The following KCNMA1 variants were observed in gnomAD, a reference collection of about 807,000 sequenced individuals.
KCNMA1 encodes the protein Calcium-activated potassium channel subunit alpha-1.
Under a neutral mutation model 140.0 loss-of-function variants are expected in KCNMA1, and 29 were observed. That is an observed-to-expected ratio of 0.21 (90% CI 0.15 to 0.28). The LOEUF (loss-of-function observed/expected upper bound fraction) is 0.28. Ranked by LOEUF, KCNMA1 falls within the 10% of genes least tolerant of loss-of-function variation. The pLI, the probability that KCNMA1 is intolerant of heterozygous loss-of-function variation, is 1.00. For synonymous variants in KCNMA1, 612 were observed against 611.9 expected, an observed-to-expected ratio of 1.00 and a Z score of 0.00; for missense variants, 880 against 1,602.2, an observed-to-expected ratio of 0.55 and a Z score of 7.70.
chr10:77,103,426 A>G (rs944911518), intron 9 of KCNMA1, among the ~76,000 whole-genome samples: 1 of 152,202 alleles, frequency 6.6e-6, no homozygotes, highest in African/African-American at 2.4e-5. Context: ...CTGATAAGGA[A>G]GAAACCACCT....
In KCNMA1 at chr10:77,027,812, C is replaced by G. The variant is rs74476254; in HGVS notation, c.1928+11G>C. The G allele has an allele frequency of 3.3e-5, 53 of 1,613,206 alleles. No homozygotes were observed. Among genetic ancestry groups the G allele is most frequent in the Non-Finnish European group, 4.0e-5 (47 of 1,179,436 alleles). Reference sequence around the variant, plus strand: ...AAGTGTCAGCTGGCTGCTGGGTCACCGCAAACTTACCGGCTCTCTCGGTTG... The same window carrying G: ...AAGTGTCAGCTGGCTGCTGGGTCACGGCAAACTTACCGGCTCTCTCGGTTG... On this transcript the variant is annotated intron_variant, in intron 16 of 27. Coordinates refer to ENST00000286628, the MANE Select transcript of KCNMA1 (RefSeq NM_001161352.2).
At chr10:76,884,725 A>C, downstream of KCNMA1, 3 of 460,308 alleles carry the variant, frequency 6.5e-6, no homozygotes, top group Middle Eastern at 5.6e-4. Context: ...GCACAGCCTC[A>C]TTGCGCTGAG....
At chr10:77,130,745 G>A (rs1052322945) in intron 5 of KCNMA1, among the ~76,000 whole-genome samples, 8 of 151,938 alleles carry the variant, frequency 5.3e-5, no homozygotes, top group African/African-American at 1.7e-4. Context: ...CAGAACAGAC[G>A]AACACAAAAT....
At chr10:77,354,206 G>A (rs565183926) in intron 2 of KCNMA1, among the ~76,000 whole-genome samples, 2 of 152,146 alleles carry the variant, frequency 1.3e-5, no homozygotes, top group Non-Finnish European at 2.9e-5. Flanking sequence ...ATGATGGCAC[G>A]ATGGTCTCGA....
intron 3 of KCNMA1, among the ~76,000 whole-genome samples, chr10:77,244,614 A>G (rs2058138053): frequency 6.6e-6 from 1 of 152,172 alleles, no homozygotes; most frequent in African/African-American, 2.4e-5. Context: ...ATCTACCTAT[A>G]TGGAGACAAG....
At chr10:77,076,125 T>A (rs140035114) in intron 13 of KCNMA1, among the ~76,000 whole-genome samples, 6 of 152,080 alleles carry the variant, frequency 3.9e-5, no homozygotes, top group African/African-American at 1.4e-4. Context: ...AAGAAGGCCA[T>A]GAAAGAGGAA....
chr10:76,996,572 A>G (rs761622625), intron 19 of KCNMA1, among the ~76,000 whole-genome samples: 2 of 152,118 alleles, frequency 1.3e-5, no homozygotes, highest in Non-Finnish European at 2.9e-5. Flanking sequence ...AGGCTCTGGT[A>G]GTGTTTGGTG....
chr10:77,099,768 A>G (rs1383554328), intron 9 of KCNMA1, among the ~76,000 whole-genome samples: 1 of 152,064 alleles, frequency 6.6e-6, no homozygotes, highest in African/African-American at 2.4e-5. Flanking sequence ...GATACGAGGC[A>G]TGACAGGCCA....
intron 14 of KCNMA1, among the ~76,000 whole-genome samples, chr10:77,052,218 TCC>T (rs2095394713): frequency 6.6e-6 from 1 of 152,130 alleles, no homozygotes; most frequent in Admixed American, 6.5e-5. Context: ...CCTGAGTTTG[TCC>T]CCAAAAGACA....
intron 1 of KCNMA1, among the ~76,000 whole-genome samples, chr10:77,622,655 C>A (rs1030376092): frequency 6.6e-6 from 1 of 152,182 alleles, no homozygotes; most frequent in Non-Finnish European, 1.5e-5. Flanking sequence ...CATTTTCTAA[C>A]CTGTAAAATG....
rs369608240 is a variant in KCNMA1, at chr10:77,519,461, C to T, written c.379-115438G>A. 3.3e-5 allele frequency among the ~76,000 whole-genome samples: 5 copies of T among 152,066 alleles called. No individual in the cohort carries two copies. In the East Asian group the frequency reaches 7.7e-4, roughly 23 times the overall value. On this transcript the variant is annotated intron_variant, in intron 1 of 27. Transcript: ENST00000286628. The stretch of plus-strand genomic sequence containing the variant: ...AGCCTCATAAAAGGCGTAGGACCCA[C>T]GTGTCAGTCAACACTCCACTGAGAA...
At chr10:77,175,237 T>G in intron 5 of KCNMA1, among the ~76,000 whole-genome samples, 1 of 152,180 alleles carries the variant, frequency 6.6e-6, no homozygotes, top group East Asian at 1.9e-4. Flanking sequence ...GCTCCAGAAT[T>G]GGACTAACCT....
intron 26 of KCNMA1, 22 bp from the exon 27 acceptor site, chr10:76,889,591 G>A: frequency 6.6e-7 from 1 of 1,522,296 alleles, no homozygotes; most frequent in Non-Finnish European, 9.1e-7. Flanking sequence ...CAAAAGAACA[G>A]AGAGAAACAT....
chr10:76,872,972 TAA>T (rs1333855530), downstream of KCNMA1: 1 of 152,104 alleles, frequency 6.6e-6, no homozygotes, highest in Non-Finnish European at 1.5e-5. Context: ...TTTTTGTGAT[TAA>T]AAAAATATGC....
intron 1 of KCNMA1, chr10:77,499,095 G>A (rs1294043900): frequency 6.6e-6 from 1 of 152,242 alleles, no homozygotes; most frequent in Non-Finnish European, 1.5e-5. Flanking sequence ...AACAACTCGT[G>A]TGATATTGTG....
In KCNMA1 at chr10:77,483,883, T is replaced by C. The variant is rs547759672; in HGVS notation, c.379-79860A>G. On this transcript the variant is annotated intron_variant, in intron 1 of 27. Transcript: ENST00000286628. ...CGTGACAAAAGAACACTCTGGACAA[T>C]CACTGCCCCTCCTCTTTCAGGAAAC... Among the ~76,000 whole-genome samples the C allele has an allele frequency of 9.9e-5, 15 of 152,270 alleles. No homozygotes were observed. The East Asian group carries it at 2.9e-3, about 29-fold the overall frequency.
chr10:77,012,237 T>C (rs2153455130), intron 17 of KCNMA1, 194 bp from the exon 18 acceptor site: 1 of 1,470,234 alleles, frequency 6.8e-7, no homozygotes, highest in Non-Finnish European at 9.0e-7. Flanking sequence ...CAGGATTCTG[T>C]GATTTGAGTT....
Position 77,316,177 on chromosome 10 carries a change from T to C in KCNMA1, c.541-64921A>G, listed in dbSNP as rs150830906. 2.1e-3 allele frequency among the ~76,000 whole-genome samples: 313 copies of C among 152,260 alleles called. 1 individual carries two copies. Among genetic ancestry groups the C allele is most frequent in the African/African-American group, 7.0e-3 (292 of 41,546 alleles). ...GTCCACGTGATAGCAGACAGGACTCTCAAAATCCCCTCTGGCCAACAGAAG... is the reference window on the plus strand; with the variant it reads ...GTCCACGTGATAGCAGACAGGACTCCCAAAATCCCCTCTGGCCAACAGAAG... On this transcript the variant is annotated intron_variant, in intron 2 of 27. Transcript: ENST00000286628.
rs930347995 is a variant in KCNMA1, at chr10:77,636,959, G to A, written c.378+306C>T. On this transcript the variant is annotated intron_variant, in intron 1 of 27. Transcript: ENST00000286628. The stretch of plus-strand genomic sequence containing the variant: ...GTCCCCACCCCGCACCACGGCACCC[G>A]AGCCTGTGAGTCCCCGACCCCGGCC... 8 of 1,412,574 alleles carry A rather than the reference G, an allele frequency of 5.7e-6. No individual in the cohort carries two copies. In the Admixed American group the frequency reaches 9.7e-5, roughly 17 times the overall value. 87.5% of individuals were successfully genotyped at this position (1,412,574 alleles called of 1,614,324 possible). A position where few individuals can be genotyped will look rare whatever the true frequency, so the allele number is the denominator to read the frequency against.
Sources: gnomAD v4.1 joint callset for allele counts (sites outside exome capture counted in the v4.1 genomes callset) on GRCh38, gnomAD v4.1.1 for gene constraint, MANE v1.5 for transcripts, NCBI Gene and HGNC (gene_info 2026-07-23, HGNC 2026-07-21) for gene names.